The following SOS1 variants were observed in gnomAD, a reference collection of about 807,000 sequenced individuals.
SOS1 encodes the protein son of sevenless homolog 1.
In SOS1, 25 loss-of-function variants were observed where a neutral mutation model predicts 157.6. That is an observed-to-expected ratio of 0.16 (90% CI 0.12 to 0.22). SOS1 has a LOEUF of 0.22. Ranked by LOEUF, SOS1 falls within the 10% of genes least tolerant of loss-of-function variation. SOS1 has a pLI of 1.00. For synonymous variants in SOS1, 528 were observed against 534.0 expected (o/e 0.99, Z 0.16); for missense variants, 1,237 against 1,599.1 (o/e 0.77, Z 3.86).
intron 1 of SOS1, among the ~76,000 whole-genome samples, chr2:39,074,052 A>C (rs756962799): frequency 6.6e-6 from 1 of 152,206 alleles, no homozygotes; most frequent in Non-Finnish European, 1.5e-5. Flanking sequence ...AAGAAATAAA[A>C]TTTAAGACCA....
chr2:39,040,178 A>ATT (rs551524316), intron 6 of SOS1, among the ~76,000 whole-genome samples: 2 of 145,660 alleles, frequency 1.4e-5, no homozygotes, highest in African/African-American at 5.0e-5. Flanking sequence ...CACCCGGCTA[A>ATT]TTTTTTTTTT....
At chr2:39,042,490 G>A (rs1175307901) in intron 6 of SOS1, among the ~76,000 whole-genome samples, 2 of 151,850 alleles carry the variant, frequency 1.3e-5, no homozygotes, top group Admixed American at 6.6e-5. Flanking sequence ...TGCAACCTCC[G>A]CCTCCTGGGT....
intron 14 of SOS1, among the ~76,000 whole-genome samples, chr2:39,011,338 T>G (rs770468047): frequency 7.9e-5 from 12 of 152,284 alleles, no homozygotes; most frequent in Non-Finnish European, 1.5e-4. Flanking sequence ...ATTAATAAAT[T>G]AGGGTGACAA....
chr2:38,993,303 G>A (rs1295936708), intron 20 of SOS1: 1 of 152,186 alleles, frequency 6.6e-6, no homozygotes, highest in African/African-American at 2.4e-5. Context: ...GGGACTACAG[G>A]TGCACACCTC....
intron 6 of SOS1, among the ~76,000 whole-genome samples, chr2:39,047,061 C>T (rs1234974629): frequency 6.6e-6 from 1 of 152,092 alleles, no homozygotes; most frequent in South Asian, 2.1e-4. Context: ...TCTGTAACCA[C>T]CACCCAGATA....
chr2:38,999,276 T>G (rs1170745894), intron 17 of SOS1, among the ~76,000 whole-genome samples: 1 of 152,098 alleles, frequency 6.6e-6, no homozygotes, highest in Non-Finnish European at 1.5e-5. Context: ...GGCTAGACCA[T>G]AGGGGTTTGG....
At chr2:38,998,873 A>G (rs2124482898) in intron 17 of SOS1, among the ~76,000 whole-genome samples, 2 of 152,330 alleles carry the variant, frequency 1.3e-5, no homozygotes, top group Middle Eastern at 6.8e-3. Flanking sequence ...CAAGTCCTGC[A>G]TTAGGTACTG....
chr2:39,013,225 T>G (rs1669525462), intron 13 of SOS1, among the ~76,000 whole-genome samples: 1 of 152,152 alleles, frequency 6.6e-6, no homozygotes, highest in African/African-American at 2.4e-5. Context: ...CTTAATCAAC[T>G]CTAAAATAAT....
intron 1 of SOS1, among the ~76,000 whole-genome samples, chr2:39,106,090 C>G (rs1364369003): frequency 2.0e-5 from 3 of 151,554 alleles, no homozygotes; most frequent in Non-Finnish European, 4.4e-5. Context: ...CATGGTGGTA[C>G]GTGCCTGTGG....
In SOS1 at chr2:39,054,757, G is replaced by C. The variant is rs868290810; in HGVS notation, c.577C>G (p.Pro193Ala). Residue 193 changes from proline to alanine, a missense_variant, in exon 5 of 23, where the codon CCT becomes GCT. Transcript: ENST00000402219. ...INILSLTDEE[P>A]STSGEQTYYD... ...TAAGTTTGTTCTCCTGAGGTGGAAG[G>C]CTCTTCGTCAGTTAAAGATAATATA... is the stretch of plus-strand genomic sequence containing the variant. The C allele has an allele frequency of 2.5e-6, 4 of 1,590,924 alleles. 1 individual carries two copies. The Middle Eastern group carries it at 5.0e-4, about 198-fold the overall frequency.
intron 4 of SOS1, among the ~76,000 whole-genome samples, chr2:39,056,406 G>A (rs911961803): frequency 2.0e-5 from 3 of 151,944 alleles, no homozygotes; most frequent in African/African-American, 4.8e-5. Context: ...GACAGAGTGA[G>A]ATTCCGTCTC....
intron 4 of SOS1, among the ~76,000 whole-genome samples, chr2:39,055,543 A>C (rs2060988): frequency 0.8 from 120,929 of 152,052 alleles, 49,971 homozygotes; most frequent in Non-Finnish European, 0.91. Context: ...TCGTGTCTTC[A>C]GTTAAAAATA....
chr2:39,008,783 G>A (rs1273562381), intron 15 of SOS1, among the ~76,000 whole-genome samples: 1 of 152,148 alleles, frequency 6.6e-6, no homozygotes, highest in Admixed American at 6.6e-5. Flanking sequence ...GGTCAGGTAA[G>A]GAGTGGATGA....
At chr2:39,047,043 A>C (rs1558487393) in intron 6 of SOS1, among the ~76,000 whole-genome samples, 1 of 152,132 alleles carries the variant, frequency 6.6e-6, no homozygotes, top group East Asian at 1.9e-4. Flanking sequence ...ATATGTATAC[A>C]ATGCATTTCT....
In SOS1 at chr2:39,088,181, C is replaced by A. The variant is rs899300717; in HGVS notation, c.88-20428G>T. 2.0e-5 allele frequency among the ~76,000 whole-genome samples: 3 copies of A among 146,434 alleles called. 1 individual carries two copies. In the East Asian group the frequency reaches 5.9e-4, roughly 29 times the overall value. ...TACCCCACTTTCCATTAGATAATCCCACCTATCAGTGGTTCTTAAACCATG... is the reference window on the plus strand; with the variant it reads ...TACCCCACTTTCCATTAGATAATCCAACCTATCAGTGGTTCTTAAACCATG... On this transcript the variant is annotated intron_variant, in intron 1 of 22. Coordinates refer to ENST00000402219, the MANE Select transcript of SOS1 (RefSeq NM_005633.4).
intron 14 of SOS1, 31 bp downstream of exon 14, chr2:39,012,095 G>T: frequency 1.4e-6 from 2 of 1,463,612 alleles, no homozygotes; most frequent in South Asian, 1.1e-5. Flanking sequence ...CTTTTGAAAT[G>T]ACTTTTCAAC....
At chr2:39,081,646 G>A (rs957122212) in intron 1 of SOS1, among the ~76,000 whole-genome samples, 2 of 151,708 alleles carry the variant, frequency 1.3e-5, no homozygotes, top group African/African-American at 2.4e-5. Flanking sequence ...CCAACATGGC[G>A]AAACGCCGTC....
intron 17 of SOS1, among the ~76,000 whole-genome samples, chr2:39,001,728 T>C (rs1216038932): frequency 1.3e-5 from 2 of 152,122 alleles, no homozygotes; most frequent in Admixed American, 1.3e-4. Context: ...TATGAAAGGC[T>C]GTCTAACTCC....
chr2:39,085,831 T>C (rs902614618), intron 1 of SOS1, among the ~76,000 whole-genome samples: 2 of 152,178 alleles, frequency 1.3e-5, no homozygotes, highest in African/African-American at 2.4e-5. Context: ...ATTCAACAGA[T>C]AGTATAAGAG....
Sources: gnomAD v4.1 joint callset for allele counts (sites outside exome capture counted in the v4.1 genomes callset) on GRCh38, gnomAD v4.1.1 for gene constraint, MANE v1.5 for transcripts, NCBI Gene and HGNC (gene_info 2026-07-23, HGNC 2026-07-21) for gene names.